ENTREP2: variants seen among roughly 807,000 people sequenced by gnomAD.
ENTREP2 encodes the protein protein ENTREP2.
At chr15:29,530,841 CTG>C in the ENTREP2 span, among the ~76,000 whole-genome samples, 1 of 152,216 alleles carries the variant, frequency 6.6e-6, no homozygotes, top group Non-Finnish European at 1.5e-5. Context: ...TGACAAAGGG[CTG>C]TGGATCTGAC....
At chr15:29,124,847 AT>A in the ENTREP2 span, 1 of 1,185,088 alleles carries the variant, frequency 8.4e-7, no homozygotes, top group Non-Finnish European at 1.2e-6. Context: ...TGACTAAGAC[AT>A]TTTAGATGGC....
At chr15:29,438,505 T>C in the ENTREP2 span, among the ~76,000 whole-genome samples, 1 of 151,978 alleles carries the variant, frequency 6.6e-6, no homozygotes, top group African/African-American at 2.4e-5. Flanking sequence ...AGTGCTGAAA[T>C]AGAGTGTAGC....
chr15:29,440,214 AG>A, the ENTREP2 span, among the ~76,000 whole-genome samples: 4 of 152,160 alleles, frequency 2.6e-5, no homozygotes, highest in African/African-American at 9.7e-5. Flanking sequence ...TCTGTAGTTT[AG>A]TTATTTTTAG....
At chr15:29,433,906 C>T in the ENTREP2 span, among the ~76,000 whole-genome samples, 79 of 152,326 alleles carry the variant, frequency 5.2e-4, no homozygotes, top group African/African-American at 1.8e-3. Context: ...GATGGCTCTA[C>T]ACCACCAACC....
the ENTREP2 span, chr15:29,123,224 C>CA: frequency 5.2e-6 from 6 of 1,146,186 alleles, no homozygotes; most frequent in African/African-American, 9.3e-5. Flanking sequence ...GTGTCCCCCC[C>CA]ACATTTATCC....
At chr15:29,629,601 A>G in the ENTREP2 span, among the ~76,000 whole-genome samples, 4 of 152,184 alleles carry the variant, frequency 2.6e-5, no homozygotes, top group Non-Finnish European at 5.9e-5. Context: ...TCCAATTTTT[A>G]AATATCGTTT....
chr15:29,470,723 G>A, the ENTREP2 span, among the ~76,000 whole-genome samples: 9 of 152,186 alleles, frequency 5.9e-5, no homozygotes, highest in Admixed American at 5.2e-4. Context: ...CCTGAAGGAC[G>A]CTCTGCCTTC....
chr15:29,235,136 A>G, the ENTREP2 span: 3 of 961,306 alleles, frequency 3.1e-6, no homozygotes, highest in Non-Finnish European at 5.0e-6. Context: ...ACCCCGAGAC[A>G]TGGCTCTGCC....
chr15:29,238,205 G>A, the ENTREP2 span, among the ~76,000 whole-genome samples: 4 of 152,354 alleles, frequency 2.6e-5, no homozygotes, highest in South Asian at 2.1e-4. Flanking sequence ...GGCAAGGAAG[G>A]AGAGTGAGAG....
the ENTREP2 span, among the ~76,000 whole-genome samples, chr15:29,597,035 C>T: frequency 6.6e-6 from 1 of 151,728 alleles, no homozygotes; most frequent in Non-Finnish European, 1.5e-5. Context: ...ATAGAAATCC[C>T]CCATAGGGTT....
At chr15:29,361,163 T>G in the ENTREP2 span, among the ~76,000 whole-genome samples, 1 of 152,228 alleles carries the variant, frequency 6.6e-6, no homozygotes. Context: ...AATCCCATTC[T>G]CACTGTAAGA....
chr15:29,170,299 C>G, the ENTREP2 span, among the ~76,000 whole-genome samples: 1 of 106,408 alleles, frequency 9.4e-6, no homozygotes, highest in African/African-American at 3.5e-5. Context: ...CAGAGCGAGA[C>G]TCCATCTCAA....
At chr15:29,408,031 C>T in the ENTREP2 span, among the ~76,000 whole-genome samples, 4 of 152,020 alleles carry the variant, frequency 2.6e-5, no homozygotes, top group South Asian at 8.3e-4. Flanking sequence ...AAAGGATTTA[C>T]AGTAGGTGAA....
At chr15:29,287,026 T>G in the ENTREP2 span, among the ~76,000 whole-genome samples, 16 of 152,312 alleles carry the variant, frequency 1.1e-4, no homozygotes, top group Non-Finnish European at 2.1e-4. Flanking sequence ...GCAACTGGGC[T>G]GTACCCAAGA....
chr15:29,490,639 G>A, the ENTREP2 span, among the ~76,000 whole-genome samples: 4 of 152,180 alleles, frequency 2.6e-5, no homozygotes, highest in Non-Finnish European at 4.4e-5. Context: ...CCTCTAGCTA[G>A]GTGTAAAAGT....
At chr15:29,429,967 G>A in the ENTREP2 span, among the ~76,000 whole-genome samples, 3 of 152,322 alleles carry the variant, frequency 2.0e-5, no homozygotes, top group East Asian at 1.9e-4. Context: ...AGGGCTGGGC[G>A]CAGACTTTCA....
chr15:29,207,640 C>T, the ENTREP2 span, among the ~76,000 whole-genome samples: 1 of 152,136 alleles, frequency 6.6e-6, no homozygotes, highest in Non-Finnish European at 1.5e-5. Context: ...ATTTTACAAA[C>T]CTAGCTATAG....
the ENTREP2 span, among the ~76,000 whole-genome samples, chr15:29,304,728 C>T: frequency 6.6e-6 from 1 of 152,112 alleles, no homozygotes; most frequent in African/African-American, 2.4e-5. Context: ...AGTTTCCTTC[C>T]CTCTCCCTTC....
the ENTREP2 span, among the ~76,000 whole-genome samples, chr15:29,627,489 G>A: frequency 6.7e-6 from 1 of 148,680 alleles, no homozygotes; most frequent in Non-Finnish European, 1.5e-5. Flanking sequence ...GTTGCAGTGA[G>A]CCAAGATCTC....
Sources: allele counts gnomAD v4.1 joint callset (sites outside exome capture counted in the v4.1 genomes callset), GRCh38; gene constraint gnomAD v4.1.1; transcripts MANE v1.5; gene names NCBI Gene and HGNC (gene_info 2026-07-23, HGNC 2026-07-21).